ZMIZ1: variants seen among roughly 807,000 people sequenced by gnomAD.
The protein encoded by ZMIZ1 is zinc finger MIZ-type containing 1, also known as zinc finger MIZ domain-containing protein 1.
In ZMIZ1, 17 loss-of-function variants were observed where a neutral mutation model predicts 113.9. That is an observed-to-expected ratio of 0.15 (90% CI 0.10 to 0.22). The LOEUF (loss-of-function observed/expected upper bound fraction) is 0.22. Ranked by LOEUF, ZMIZ1 falls within the 10% of genes least tolerant of loss-of-function variation. ZMIZ1 has a pLI of 1.00. For missense variants in ZMIZ1, 1,059 were observed against 1,477.8 expected (o/e 0.72, Z 4.65); for synonymous variants, 607 against 603.1 (o/e 1.01, Z -0.09).
chr10:79,259,667 G>A (rs1851142111), intron 7 of ZMIZ1, among the ~76,000 whole-genome samples: 1 of 150,392 alleles, frequency 6.6e-6, no homozygotes, highest in South Asian at 2.1e-4. Context: ...CCAGGCTGGA[G>A]TGCAGTGGTG....
chr10:79,233,680 C>T lies in ZMIZ1; in HGVS notation c.280+17406C>T, dbSNP rs141274185. ...CTGATTTTTTTCCCCTCCTGGAGAG[C>T]GTCACCCCAGACTGCTGGCCCACAG... On this transcript the variant is annotated intron_variant, in intron 7 of 24. Coordinates refer to ENST00000334512, the MANE Select transcript of ZMIZ1 (RefSeq NM_020338.4). Among the ~76,000 whole-genome samples the T allele has an allele frequency of 2.6e-3, 403 of 152,148 alleles. 3 individuals are homozygous for T. The highest frequency in any genetic ancestry group is 9.4e-3 in the African/African-American group (390 of 41,492).
chr10:79,094,264 A>G (rs1242678204), intron 1 of ZMIZ1, among the ~76,000 whole-genome samples: 1 of 152,230 alleles, frequency 6.6e-6, no homozygotes, highest in Non-Finnish European at 1.5e-5. Context: ...ATTGCATGCC[A>G]GGTGCAGAGC....
chr10:79,297,686 A>G lies in ZMIZ1; in HGVS notation c.1487A>G (p.Asn496Ser), dbSNP rs1347439959. 2 of 1,613,804 alleles carry G rather than the reference A, an allele frequency of 1.2e-6. No individual in the cohort carries two copies. The highest frequency in any genetic ancestry group is 2.2e-5 in the East Asian group (1 of 44,880). ...SYSNYSQGNV[N>S]RPPRPVPVAN... The stretch of plus-strand genomic sequence containing the variant: ...AGTAACTACAGCCAAGGGAATGTCA[A>G]CAGGGTATGTTCCAATTTAATTTAC... The change falls in exon 14 of 25, where the codon AAC becomes AGC. Residue 496 changes from asparagine (N) to serine (S), a missense_variant. Around this residue, in one of 6 missense-constraint regions of ZMIZ1, gnomAD observed 239 missense variants for 247.5 expected, o/e 0.97. Coordinates refer to ENST00000334512, the MANE Select transcript of ZMIZ1 (RefSeq NM_020338.4).
intron 2 of ZMIZ1, among the ~76,000 whole-genome samples, chr10:79,119,310 A>G (rs1844186254): frequency 6.6e-6 from 1 of 152,194 alleles, no homozygotes; most frequent in South Asian, 2.1e-4. Context: ...AGAGGGCCTC[A>G]GCTTTCTACT....
intron 1 of ZMIZ1, among the ~76,000 whole-genome samples, chr10:79,076,952 C>T (rs1284585063): frequency 6.6e-6 from 1 of 152,206 alleles, no homozygotes; most frequent in African/African-American, 2.4e-5. Flanking sequence ...CCCCTCTCCC[C>T]TCCAGCCAGC....
intron 4 of ZMIZ1, 67 bp from the exon 5 acceptor site, chr10:79,201,517 T>G: frequency 5.8e-6 from 7 of 1,209,606 alleles, no homozygotes; most frequent in Non-Finnish European, 7.1e-6. Context: ...CAGAGGGCAG[T>G]TGGGAGGCTG....
intron 21 of ZMIZ1, 54 bp downstream of exon 21, chr10:79,305,655 A>G: frequency 6.3e-7 from 1 of 1,580,198 alleles, no homozygotes; most frequent in Non-Finnish European, 8.7e-7. Context: ...GGCCTGGATT[A>G]GAGCAAGGTG....
At chr10:79,309,351 A>G (rs1195657795) in intron 23 of ZMIZ1, among the ~76,000 whole-genome samples, 1 of 152,188 alleles carries the variant, frequency 6.6e-6, no homozygotes, top group Non-Finnish European at 1.5e-5. Context: ...TGGGCTGCAC[A>G]GCTGGAGTGT....
chr10:79,092,566 A>G (rs1239062269), intron 1 of ZMIZ1, among the ~76,000 whole-genome samples: 1 of 152,266 alleles, frequency 6.6e-6, no homozygotes, highest in East Asian at 1.9e-4. Flanking sequence ...TTGTCACAGT[A>G]GCATCGCAAC....
intron 1 of ZMIZ1, among the ~76,000 whole-genome samples, chr10:79,104,658 G>C (rs1397879986): frequency 6.6e-6 from 1 of 152,110 alleles, no homozygotes; most frequent in Non-Finnish European, 1.5e-5. Flanking sequence ...GGGCTCTTTT[G>C]CTGTTGGGGC....
intron 4 of ZMIZ1, among the ~76,000 whole-genome samples, chr10:79,174,596 G>A (rs1160887886): frequency 1.3e-5 from 2 of 152,230 alleles, no homozygotes; most frequent in East Asian, 3.9e-4. Context: ...GGCAGGGAAG[G>A]GATGCTCATG....
intron 7 of ZMIZ1, among the ~76,000 whole-genome samples, chr10:79,265,467 T>TC (rs1851542354): frequency 1.6e-5 from 2 of 122,198 alleles, no homozygotes; most frequent in Admixed American, 8.8e-5. Context: ...TTTTTTCTTT[T>TC]CTTTTTTTTT....
intron 1 of ZMIZ1, among the ~76,000 whole-genome samples, chr10:79,081,644 T>C (rs904684995): frequency 6.6e-6 from 1 of 152,194 alleles, no homozygotes; most frequent in East Asian, 1.9e-4. Flanking sequence ...CCCAGCTCCT[T>C]ACTGAGCTCC....
At chr10:79,157,032 TCA>T (rs1845926750) in intron 3 of ZMIZ1, among the ~76,000 whole-genome samples, 1 of 73,690 alleles carries the variant, frequency 1.4e-5, no homozygotes, top group Non-Finnish European at 4.2e-5. Flanking sequence ...GAGGTGGCTC[TCA>T]GAGAAGGCAG....
At chr10:79,255,884 A>G (rs761154550) in intron 7 of ZMIZ1, among the ~76,000 whole-genome samples, 14 of 152,264 alleles carry the variant, frequency 9.2e-5, no homozygotes, top group Non-Finnish European at 5.9e-5. Flanking sequence ...ATCAGTCTGG[A>G]TGCAATCACA....
intron 1 of ZMIZ1, among the ~76,000 whole-genome samples, chr10:79,111,460 C>T (rs1333505593): frequency 6.6e-6 from 1 of 152,202 alleles, no homozygotes; most frequent in African/African-American, 2.4e-5. Context: ...GAAGTTTGGC[C>T]TGCCCTGGAC....
intron 16 of ZMIZ1, among the ~76,000 whole-genome samples, chr10:79,299,953 C>G (rs1049610102): frequency 4.0e-5 from 6 of 150,512 alleles, no homozygotes; most frequent in Admixed American, 3.9e-4. Flanking sequence ...CTCAGACCCC[C>G]TTGACTGCCC....
chr10:79,127,909 C>T (rs1353941256), intron 2 of ZMIZ1, among the ~76,000 whole-genome samples: 1 of 152,216 alleles, frequency 6.6e-6, no homozygotes, highest in Non-Finnish European at 1.5e-5. Context: ...CTAAAAATAA[C>T]AGGGCCCAGC....
Position 79,069,386 on chromosome 10 carries a change from C to T in ZMIZ1, c.-337+116C>T, listed in dbSNP as rs1436087497. On this transcript the variant is annotated intron_variant, in intron 1 of 24. Coordinates refer to ENST00000334512, the MANE Select transcript of ZMIZ1 (RefSeq NM_020338.4). This position sits in a 1 kb window ranked among gnomAD's most constrained non-coding sequence, Gnocchi z 4.6. ...TGCTGGGGTTTTTCCCTTAAAGTGT[C>T]CCCCGGAGCGGGGCGACCGGCCGGC... 1.3e-5 allele frequency: 2 copies of T among 150,600 alleles called. No homozygotes were observed. Among genetic ancestry groups the T allele is most frequent in the Admixed American group, 1.3e-4 (2 of 15,122 alleles). The allele number at this position is 150,600 out of a possible 1,614,324, so 9.3% of individuals were successfully genotyped here. A position where few individuals can be genotyped will look rare whatever the true frequency, so the allele number is the denominator to read the frequency against.
Sources: allele counts gnomAD v4.1 joint callset (sites outside exome capture counted in the v4.1 genomes callset), GRCh38; gene constraint gnomAD v4.1.1; regional missense constraint gnomAD v4.1.1; non-coding constraint Gnocchi (gnomAD v3.1); transcripts MANE v1.5; gene names NCBI Gene and HGNC (gene_info 2026-07-23, HGNC 2026-07-21).